Variants in CADPS2 observed in about 807,000 individuals in gnomAD.
CADPS2 encodes the protein calcium dependent secretion activator 2, also known as calcium-dependent secretion activator 2.
A neutral mutation model predicts 172.5 loss-of-function variants in CADPS2; 93 were observed. The observed-to-expected ratio is 0.54, with a 90% CI of 0.46 to 0.64. The LOEUF is 0.64. Among genes scored for constraint, CADPS2 ranks in the 30% least tolerant of loss-of-function variants. CADPS2 has a pLI of 0.00. For missense variants in CADPS2, 1,420 were observed against 1,565.9 expected (o/e 0.91, Z 1.57); for synonymous variants, 546 against 555.2 (o/e 0.98, Z 0.23).
chr7:122,428,323 C>G (rs183138450), intron 17 of CADPS2, among the ~76,000 whole-genome samples: 4 of 152,072 alleles, frequency 2.6e-5, no homozygotes, highest in African/African-American at 9.7e-5. Context: ...TATTCTTTAA[C>G]ACCATGCACT....
intron 2 of CADPS2, among the ~76,000 whole-genome samples, chr7:122,730,365 G>T (rs2091525920): frequency 6.6e-6 from 1 of 151,704 alleles, no homozygotes; most frequent in Non-Finnish European, 1.5e-5. Flanking sequence ...TTACTACTTT[G>T]AGGGCAATTT....
rs78040067 is a variant in CADPS2 at position 122,621,864 on chromosome 7, T to C, written c.868-147A>G. 1.5e-5 allele frequency: 9 copies of C among 589,366 alleles called. No homozygotes were observed. In the East Asian group the frequency reaches 2.5e-4, roughly 17 times the overall value. The allele number at this position is 589,366 out of a possible 1,614,324, so 36.5% of individuals were successfully genotyped here. A position where few individuals can be genotyped will look rare whatever the true frequency, so the allele number is the denominator to read the frequency against. ...CTACTTGAGTCACTAGGCTGTAAAA[T>C]CCTCAGGCTTTGGCATTTTTGATTA... On this transcript the variant is annotated intron_variant, in intron 4 of 29. Coordinates refer to ENST00000449022, the MANE Select transcript of CADPS2 (RefSeq NM_017954.11).
At chr7:122,328,736 G>A (rs2034388688) in intron 28 of CADPS2, among the ~76,000 whole-genome samples, 2 of 152,182 alleles carry the variant, frequency 1.3e-5, no homozygotes, top group African/African-American at 4.8e-5. Context: ...ATAGAAGAAA[G>A]GGAAAGGCTA....
chr7:122,394,687 A>G (rs1225888787), intron 20 of CADPS2, among the ~76,000 whole-genome samples: 1 of 152,004 alleles, frequency 6.6e-6, no homozygotes, highest in Non-Finnish European at 1.5e-5. Context: ...AGTAACTGCA[A>G]TAGACTGAGG....
intron 29 of CADPS2, among the ~76,000 whole-genome samples, chr7:122,320,965 T>C (rs915764617): frequency 2.6e-5 from 4 of 152,274 alleles, no homozygotes; most frequent in Admixed American, 1.3e-4. Flanking sequence ...AAAGCTTCCA[T>C]AGATGGGACA....
chr7:122,467,229 G>C (rs1467619642), intron 14 of CADPS2, among the ~76,000 whole-genome samples: 1 of 152,162 alleles, frequency 6.6e-6, no homozygotes, highest in Non-Finnish European at 1.5e-5. Flanking sequence ...CCAAAAGTGA[G>C]TCTCTCCATT....
At chr7:122,454,419 A>T (rs2053506808) in intron 14 of CADPS2, among the ~76,000 whole-genome samples, 1 of 151,984 alleles carries the variant, frequency 6.6e-6, no homozygotes, top group Non-Finnish European at 1.5e-5. Context: ...TCTTACCCTT[A>T]CTCTCTTCCT....
chr7:122,822,483 A>C (rs1803620458), intron 1 of CADPS2, among the ~76,000 whole-genome samples: 1 of 150,636 alleles, frequency 6.6e-6, no homozygotes, highest in South Asian at 2.1e-4. Context: ...CCCCCCAAAA[A>C]TTTTCGCCAC....
intron 25 of CADPS2, among the ~76,000 whole-genome samples, chr7:122,376,497 C>T (rs1042122019): frequency 3.9e-5 from 6 of 151,992 alleles, no homozygotes; most frequent in African/African-American, 9.7e-5. Context: ...TTACATAGTA[C>T]CAATTATATG....
intron 6 of CADPS2, among the ~76,000 whole-genome samples, chr7:122,584,073 A>G (rs1429486580): frequency 6.6e-6 from 1 of 151,680 alleles, no homozygotes; most frequent in African/African-American, 2.4e-5. Flanking sequence ...TATAATGTCC[A>G]TTATTGAGAC....
At chr7:122,409,482 A>C (rs775037336) in intron 19 of CADPS2, 1 of 284,342 alleles carries the variant, frequency 3.5e-6, no homozygotes, top group Non-Finnish European at 7.6e-6. Context: ...TTTTTTTTCA[A>C]AACAGCTTCA....
chr7:122,623,068 CACAG>C (rs997560881), intron 4 of CADPS2, among the ~76,000 whole-genome samples: 3 of 152,094 alleles, frequency 2.0e-5, no homozygotes, highest in Non-Finnish European at 2.9e-5. Context: ...TGCATAATGT[CACAG>C]ACAGATTAAA....
intron 7 of CADPS2, among the ~76,000 whole-genome samples, chr7:122,570,946 A>C (rs2132512869): frequency 6.6e-6 from 1 of 152,164 alleles, no homozygotes; most frequent in East Asian, 1.9e-4. Flanking sequence ...TGACGAGTTA[A>C]TGGGTGCAGC....
chr7:122,625,359 T>C (rs1268690958), intron 4 of CADPS2, among the ~76,000 whole-genome samples: 1 of 152,200 alleles, frequency 6.6e-6, no homozygotes, highest in African/African-American at 2.4e-5. Flanking sequence ...CCAATTAATT[T>C]TGTTTGTCAG....
intron 14 of CADPS2, among the ~76,000 whole-genome samples, chr7:122,457,197 C>T (rs2053889307): frequency 6.6e-6 from 1 of 151,986 alleles, no homozygotes; most frequent in Non-Finnish European, 1.5e-5. Flanking sequence ...AAAAAGGGTA[C>T]AAAACTGGGC....
At chr7:122,545,384 T>C (rs990155644) in intron 8 of CADPS2, among the ~76,000 whole-genome samples, 1 of 152,092 alleles carries the variant, frequency 6.6e-6, no homozygotes, top group African/African-American at 2.4e-5. Context: ...AGAAATAGAT[T>C]TGAGCAAATA....
intron 3 of CADPS2, among the ~76,000 whole-genome samples, chr7:122,654,008 T>G (rs1368492398): frequency 6.6e-6 from 1 of 152,194 alleles, no homozygotes; most frequent in African/African-American, 2.4e-5. Flanking sequence ...ATCTCTCATT[T>G]TAAGTCAAAA....
At chr7:122,496,856 T>A (rs1290741128) in intron 9 of CADPS2, among the ~76,000 whole-genome samples, 2 of 152,180 alleles carry the variant, frequency 1.3e-5, no homozygotes, top group Non-Finnish European at 2.9e-5. Context: ...TTACTAATTG[T>A]CAAATATTCT....
chr7:122,430,996 C>A (rs1166795118), intron 17 of CADPS2, among the ~76,000 whole-genome samples: 1 of 152,192 alleles, frequency 6.6e-6, no homozygotes, highest in East Asian at 1.9e-4. Context: ...AATGTAACTG[C>A]CATCTATAAC....
Sources: gnomAD v4.1 joint callset for allele counts (sites outside exome capture counted in the v4.1 genomes callset) on GRCh38, gnomAD v4.1.1 for gene constraint, MANE v1.5 for transcripts, NCBI Gene and HGNC (gene_info 2026-07-23, HGNC 2026-07-21) for gene names.